MKLN1: variants seen among roughly 807,000 people sequenced by gnomAD.
MKLN1 encodes muskelin.
In MKLN1, 18 loss-of-function variants were observed where a neutral mutation model predicts 99.0. The ratio of observed to expected loss-of-function variants is 0.18; its 90% confidence interval spans 0.13 to 0.27. The LOEUF is 0.27. Among genes scored for constraint, MKLN1 ranks in the 10% least tolerant of loss-of-function variants. MKLN1 has a pLI of 1.00. For synonymous variants in MKLN1, 288 were observed against 293.2 expected, an observed-to-expected ratio of 0.98 and a Z score of 0.18; for missense variants, 621 against 875.9, an observed-to-expected ratio of 0.71 and a Z score of 3.67.
At chr7:131,170,084 T>G (rs1028944075) in intron 2 of MKLN1, among the ~76,000 whole-genome samples, 1 of 151,984 alleles carries the variant, frequency 6.6e-6, no homozygotes, top group African/African-American at 2.4e-5. Flanking sequence ...GACCCTATCT[T>G]TATGAAAGAA....
Position 131,274,934 on chromosome 7 carries a change from T to C in MKLN1, c.-179+71960T>C, listed in dbSNP as rs187132183. 1.5e-4 allele frequency among the ~76,000 whole-genome samples: 23 copies of C among 152,326 alleles called. No individual in the cohort carries two copies. In the East Asian group the frequency reaches 4.4e-3, roughly 29 times the overall value. On this transcript the variant is annotated intron_variant, in intron 3 of 7. Transcript: ENST00000416992. The stretch of plus-strand genomic sequence containing the variant: ...ACAGTTGTCTTTTAAATTATTTCCC[T>C]TCTTGGCCTCTGAGAAGATCTCATT...
At chr7:131,260,127 C>T (rs1313052666) in intron 3 of MKLN1, among the ~76,000 whole-genome samples, 1 of 151,748 alleles carries the variant, frequency 6.6e-6, no homozygotes, top group Admixed American at 6.6e-5. Context: ...CTCACTGCAA[C>T]CTCTGCCTCC....
chr7:131,137,666 C>T (rs1276089941), intron 1 of MKLN1, among the ~76,000 whole-genome samples: 5 of 152,122 alleles, frequency 3.3e-5, no homozygotes, highest in Admixed American at 2.0e-4. Context: ...CCTCCACCTC[C>T]TGGGTTCATG....
chr7:131,396,448 T>C (rs781382001), intron 4 of MKLN1, among the ~76,000 whole-genome samples: 1 of 152,162 alleles, frequency 6.6e-6, no homozygotes, highest in Non-Finnish European at 1.5e-5. Flanking sequence ...TTTGTTTCCT[T>C]ATTGCACTGG....
At chr7:131,200,392 T>C (rs1796709395) in intron 2 of MKLN1, among the ~76,000 whole-genome samples, 1 of 152,256 alleles carries the variant, frequency 6.6e-6, no homozygotes, top group Non-Finnish European at 1.5e-5. Context: ...TTTGGTCCTT[T>C]ATGTTGCAAA....
intron 3 of MKLN1, among the ~76,000 whole-genome samples, chr7:131,209,996 C>T (rs1746955568): frequency 6.6e-6 from 1 of 152,136 alleles, no homozygotes; most frequent in South Asian, 2.1e-4. Flanking sequence ...GCTGGGTCAA[C>T]ACCGGAAATC....
Position 131,411,399 on chromosome 7 carries a change from T to C in MKLN1, c.781+16T>C. ...AGTACCAAAGGTAAGCCATACCTTC[T>C]AGATTGTAGTTCTTTTTCATTAATG... On this transcript the variant is annotated intron_variant, in intron 7 of 17. Coordinates refer to ENST00000352689, the MANE Select transcript of MKLN1 (RefSeq NM_013255.5). 1 of 1,520,986 alleles carries C rather than the reference T, an allele frequency of 6.6e-7. No homozygotes were observed. The highest frequency in any genetic ancestry group is 9.1e-7 in the Non-Finnish European group (1 of 1,095,476). 94.2% of individuals were successfully genotyped at this position (1,520,986 alleles called of 1,614,324 possible).
intron 11 of MKLN1, among the ~76,000 whole-genome samples, chr7:131,444,161 C>T (rs1399738170): frequency 6.6e-6 from 1 of 151,910 alleles, no homozygotes; most frequent in Non-Finnish European, 1.5e-5. Context: ...ACGAGCCTGG[C>T]CAACATGGCG....
intron 9 of MKLN1, among the ~76,000 whole-genome samples, chr7:131,434,476 CT>C (rs1563346253): frequency 6.6e-6 from 1 of 152,126 alleles, no homozygotes; most frequent in Non-Finnish European, 1.5e-5. Context: ...CTAATAGCTT[CT>C]TTTTTATTTC....
At chr7:131,337,362 C>T (rs1799278742) in intron 1 of MKLN1, among the ~76,000 whole-genome samples, 1 of 152,134 alleles carries the variant, frequency 6.6e-6, no homozygotes, top group East Asian at 1.9e-4. Context: ...TTTTTATCCC[C>T]CATATGTCTC....
rs1439087039 is a variant in MKLN1, at chr7:131,191,799, C to T, written c.-296-11058C>T. On this transcript the variant is annotated intron_variant, in intron 2 of 7. Coordinates refer to the MKLN1 transcript ENST00000416992. The stretch of plus-strand genomic sequence containing the variant: ...TGCAATCTCGGCTCACTGCAACCTC[C>T]GCCTCCCAGCTTCAAGCAATTCTCA... 6.0e-5 allele frequency among the ~76,000 whole-genome samples: 9 copies of T among 150,074 alleles called. No individual in the cohort carries two copies. The East Asian group carries it at 1.2e-3, about 19-fold the overall frequency.
chr7:131,203,002 T>G (rs887480170), intron 3 of MKLN1: 19 of 152,234 alleles, frequency 1.2e-4, no homozygotes, highest in African/African-American at 3.4e-4. Flanking sequence ...TCTAACAAAT[T>G]TGAATACAAA....
At chr7:131,482,445 C>CT (rs1325928182) in intron 17 of MKLN1, among the ~76,000 whole-genome samples, 1 of 152,012 alleles carries the variant, frequency 6.6e-6, no homozygotes, top group African/African-American at 2.4e-5. Flanking sequence ...CCTCACAACT[C>CT]TTTTTAGAAG....
intron 3 of MKLN1, among the ~76,000 whole-genome samples, chr7:131,297,848 C>A (rs1168221354): frequency 6.6e-6 from 1 of 152,160 alleles, no homozygotes; most frequent in Non-Finnish European, 1.5e-5. Context: ...CAAGTTCATC[C>A]TTGAAGCAGC....
intron 3 of MKLN1, among the ~76,000 whole-genome samples, chr7:131,313,147 C>G (rs1326902256): frequency 1.3e-5 from 2 of 152,168 alleles, no homozygotes; most frequent in Non-Finnish European, 2.9e-5. Flanking sequence ...GAAGACGTTT[C>G]TATTTTACTT....
chr7:131,202,146 C>CTTTTTTTTTTTTTTTTT (rs58800874), intron 2 of MKLN1, among the ~76,000 whole-genome samples: 4 of 60,276 alleles, frequency 6.6e-5, no homozygotes, highest in Non-Finnish European at 9.6e-5. Flanking sequence ...GCACTATTGA[C>CTTTTTTTTTTTTTTTTT]TTTTTTTTTT....
chr7:131,201,908 T>C (rs1796733528), intron 2 of MKLN1, among the ~76,000 whole-genome samples: 1 of 152,216 alleles, frequency 6.6e-6, no homozygotes, highest in South Asian at 2.1e-4. Context: ...TATCATTCAT[T>C]TTGCCTGGTG....
At position 131,371,765 on chromosome 7, in the gene MKLN1, C is replaced by CATATATATATATAT. The variant is rs149627807; in HGVS notation, c.99-3655_99-3642dup. Among the ~76,000 whole-genome samples the CATATATATATATAT allele has an allele frequency of 2.0e-3, 292 of 147,710 alleles. 2 individuals are homozygous for CATATATATATATAT. The highest frequency in any genetic ancestry group is 7.0e-3 in the African/African-American group (283 of 40,410). ...TTTACATTATACTTGACATATATAA[C>CATATATATATATAT]ATATATATATATATATACACTTAAT... On this transcript the variant is annotated intron_variant, in intron 1 of 17. Coordinates refer to ENST00000352689, the MANE Select transcript of MKLN1 (RefSeq NM_013255.5).
chr7:131,395,341 C>CA (rs1327924119), intron 4 of MKLN1, among the ~76,000 whole-genome samples: 1 of 151,872 alleles, frequency 6.6e-6, no homozygotes, highest in Non-Finnish European at 1.5e-5. Context: ...TGGTACACAA[C>CA]AAAAATGCTT....
Sources: allele counts gnomAD v4.1 joint callset (sites outside exome capture counted in the v4.1 genomes callset), GRCh38; gene constraint gnomAD v4.1.1; transcripts MANE v1.5; gene names NCBI Gene and HGNC (gene_info 2026-07-23, HGNC 2026-07-21).